RHBDD1: variants seen among roughly 807,000 people sequenced by gnomAD.
The protein encoded by RHBDD1 is rhomboid-related protein 4.
Under a neutral mutation model 36.3 loss-of-function variants are expected in RHBDD1, and 38 were observed. That is an observed-to-expected ratio of 1.05 (90% confidence interval 0.81 to 1.37). The LOEUF (loss-of-function observed/expected upper bound fraction) is 1.37, where lower values mean the gene tolerates loss of function less well. Among genes scored for constraint, RHBDD1 ranks in the 40% most tolerant of loss-of-function variants. The pLI is 0.00. For synonymous variants in RHBDD1, 151 were observed against 136.5 expected, an observed-to-expected ratio of 1.11 and a Z score of -0.74; for missense variants, 393 against 377.6, an observed-to-expected ratio of 1.04 and a Z score of -0.34.
chr2:226,957,470 C>A (rs1381138392), intron 8 of RHBDD1, among the ~76,000 whole-genome samples: 1 of 151,988 alleles, frequency 6.6e-6, no homozygotes, highest in African/African-American at 2.4e-5. Flanking sequence ...CGCCTGCAAT[C>A]TCAGCACTTT....
At chr2:226,867,377 AT>A in intron 5 of RHBDD1, 59 bp downstream of exon 5, 7 of 1,539,110 alleles carry the variant, frequency 4.5e-6, no homozygotes, top group Non-Finnish European at 6.2e-6. Flanking sequence ...GGAGAAAAAA[AT>A]TGCAATAATA....
At chr2:226,982,341 G>A (rs571982908) in intron 8 of RHBDD1, among the ~76,000 whole-genome samples, 2 of 152,208 alleles carry the variant, frequency 1.3e-5, no homozygotes, top group Non-Finnish European at 2.9e-5. Flanking sequence ...CTCCTAGGCC[G>A]CAGATAATCT....
intron 8 of RHBDD1, among the ~76,000 whole-genome samples, chr2:226,947,830 T>C (rs1951097386): frequency 1.3e-5 from 2 of 152,148 alleles, no homozygotes; most frequent in Admixed American, 1.3e-4. Flanking sequence ...TCATCATCAC[T>C]GGCCATCAGA....
Position 226,999,205 on chromosome 2 carries a change from C to CA in RHBDD1, c.*3688dup, listed in dbSNP as rs1477127842. On this transcript the variant is annotated 3_prime_UTR_variant, in exon 9 of 9. Transcript: ENST00000392062. ...ACCAATAAATACTTGTGGATTGAAA[C>CA]AAAAAGAGAAGCTCATTTATACTGT... The CA allele has an allele frequency of 2.0e-5, 3 of 152,048 alleles. No homozygotes were observed. The highest frequency in any genetic ancestry group is 4.4e-5 in the Non-Finnish European group (3 of 68,002). The allele number at this position is 152,048 out of a possible 1,614,324, so 9.4% of individuals were successfully genotyped here.
chr2:226,890,815 T>C (rs2125492179), intron 5 of RHBDD1, among the ~76,000 whole-genome samples: 1 of 152,262 alleles, frequency 6.6e-6, no homozygotes, highest in Non-Finnish European at 1.5e-5. Context: ...CCATAAAAAT[T>C]TAAAATAAAA....
At chr2:226,884,946 G>A (rs1236808115) in intron 5 of RHBDD1, among the ~76,000 whole-genome samples, 1 of 151,920 alleles carries the variant, frequency 6.6e-6, no homozygotes, top group South Asian at 2.1e-4. Flanking sequence ...AAATAAATGA[G>A]AAAAAAATGA....
intron 8 of RHBDD1, among the ~76,000 whole-genome samples, chr2:226,958,913 AG>A (rs2149256690): frequency 6.6e-6 from 1 of 152,164 alleles, no homozygotes; most frequent in African/African-American, 2.4e-5. Flanking sequence ...TGCTCTTTTG[AG>A]ATCTCTTAAA....
chr2:226,807,344 T>A, the RHBDD1 span: 1 of 152,182 alleles, frequency 6.6e-6, no homozygotes, highest in South Asian at 2.1e-4. Flanking sequence ...TTTTCTTTTA[T>A]AAAGAAGAAA....
At chr2:226,924,101 G>T (rs1949512305) in intron 8 of RHBDD1, among the ~76,000 whole-genome samples, 1 of 152,102 alleles carries the variant, frequency 6.6e-6, no homozygotes, top group Non-Finnish European at 1.5e-5. Context: ...CCACCATATT[G>T]GGAATGTGCT....
At chr2:226,816,553 C>G in the RHBDD1 span, among the ~76,000 whole-genome samples, 1 of 152,066 alleles carries the variant, frequency 6.6e-6, no homozygotes, top group Admixed American at 6.5e-5. Flanking sequence ...TTAAACTATG[C>G]CCCATATCCA....
At chr2:226,898,590 A>G (rs572913100) in intron 5 of RHBDD1, among the ~76,000 whole-genome samples, 11 of 152,226 alleles carry the variant, frequency 7.2e-5, no homozygotes, top group Non-Finnish European at 1.5e-4. Flanking sequence ...AGGTCATTCA[A>G]TCATGCTGGT....
chr2:226,848,382 A>T (rs145349825), intron 3 of RHBDD1, among the ~76,000 whole-genome samples: 1 of 152,206 alleles, frequency 6.6e-6, no homozygotes, highest in African/African-American at 2.4e-5. Flanking sequence ...GACTATTCCT[A>T]TGCCAAGATG....
chr2:226,900,179 G>A (rs967331936), intron 5 of RHBDD1, among the ~76,000 whole-genome samples: 6 of 152,244 alleles, frequency 3.9e-5, no homozygotes, highest in South Asian at 2.1e-4. Context: ...CTCATCAGGC[G>A]CTTAAAGGTA....
chr2:226,949,797 C>T (rs1347416725), intron 8 of RHBDD1, among the ~76,000 whole-genome samples: 1 of 152,052 alleles, frequency 6.6e-6, no homozygotes, highest in Non-Finnish European at 1.5e-5. Context: ...GATGGCCTTT[C>T]CCCCGTGTCC....
chr2:226,870,267 G>A (rs755151363), intron 5 of RHBDD1, among the ~76,000 whole-genome samples: 13 of 152,144 alleles, frequency 8.5e-5, no homozygotes, highest in Non-Finnish European at 1.3e-4. Flanking sequence ...TGTCATATGC[G>A]AATGAGCTCT....
At chr2:226,848,207 C>G (rs544319589) in intron 3 of RHBDD1, among the ~76,000 whole-genome samples, 1 of 152,078 alleles carries the variant, frequency 6.6e-6, no homozygotes, top group African/African-American at 2.4e-5. Context: ...CTATAGTATT[C>G]TATGCTATGT....
chr2:226,864,857 G>C lies in RHBDD1; in HGVS notation c.164G>C (p.Ser55Thr). ...PQKPLYSSCLSVEKCYQQKDW... is the reference protein window; with the variant it reads ...PQKPLYSSCLTVEKCYQQKDW... ...AAGCCACTGTATAGCTCCTGCCTTA[G>C]TGTGGAGAAGTGTTACCAGCAAAAA... Residue 55 changes from serine (S) to threonine (T), a missense_variant, in exon 4 of 9, where the codon AGT (serine) becomes ACT (threonine). Coordinates refer to ENST00000392062, the MANE Select transcript of RHBDD1 (RefSeq NM_001167608.3). The C allele has an allele frequency of 6.2e-7, 1 of 1,614,194 alleles. No individual in the cohort carries two copies. Among genetic ancestry groups the C allele is most frequent in the East Asian group, 2.2e-5 (1 of 44,886 alleles).
intron 8 of RHBDD1, among the ~76,000 whole-genome samples, chr2:226,982,769 C>T (rs1956062146): frequency 6.6e-6 from 1 of 152,160 alleles, no homozygotes; most frequent in African/African-American, 2.4e-5. Flanking sequence ...TTCATTCATT[C>T]CTCAAGCATT....
In RHBDD1 at chr2:226,903,837, CAAG is replaced by C. The variant is rs565248738; in HGVS notation, c.567-2955_567-2953del. ...TGAGACCCCAGGCTCCAGAAGGAGACAAGGAGATGAACAGAAGAGCAGAAGAAT... is the reference window on the plus strand; with the variant it reads ...TGAGACCCCAGGCTCCAGAAGGAGACGAGATGAACAGAAGAGCAGAAGAAT... On this transcript the variant is annotated intron_variant, in intron 5 of 8. Coordinates refer to ENST00000392062, the MANE Select transcript of RHBDD1 (RefSeq NM_001167608.3). Among the ~76,000 whole-genome samples the C allele has an allele frequency of 3.9e-5, 6 of 152,210 alleles. 1 individual carries two copies. The South Asian group carries it at 1.2e-3, about 32-fold the overall frequency.
Sources: gnomAD v4.1 joint callset for allele counts (sites outside exome capture counted in the v4.1 genomes callset) on GRCh38, gnomAD v4.1.1 for gene constraint, MANE v1.5 for transcripts, NCBI Gene and HGNC (gene_info 2026-07-23, HGNC 2026-07-21) for gene names.